The following COL16A1 variants were observed in gnomAD, a reference collection of about 807,000 sequenced individuals.
COL16A1 encodes the protein collagen alpha-1(XVI) chain.
A neutral mutation model predicts 266.3 loss-of-function variants in COL16A1; 189 were observed. The observed-to-expected ratio is 0.71, with a 90% CI of 0.63 to 0.80. The LOEUF (loss-of-function observed/expected upper bound fraction) is 0.80, where lower values mean the gene tolerates loss of function less well. Among genes scored for constraint, COL16A1 ranks in the 30% least tolerant of loss-of-function variants. The pLI, the probability that COL16A1 is intolerant of heterozygous loss-of-function variation, is 0.00. For missense variants in COL16A1, 1,928 were observed against 2,122.4 expected (o/e 0.91, Z 1.80); for synonymous variants, 740 against 782.3 (o/e 0.95, Z 0.90).
In COL16A1 at chr1:31,680,118, C is replaced by A; in HGVS notation, c.2611-17G>T. 6.2e-7 allele frequency: 1 copy of A among 1,611,566 alleles called. No individual in the cohort carries two copies. Among genetic ancestry groups the A allele is most frequent in the South Asian group, 1.1e-5 (1 of 90,584 alleles). On this transcript the variant is annotated splice_polypyrimidine_tract_variant and intron_variant, in intron 39 of 70. Transcript: ENST00000373672. ...TGGCTCACCCTGAAAATACAAGAGC[C>A]TTTGTGAGACATGGATGAAGACGAA...
intron 63 of COL16A1, 112 bp downstream of exon 63, chr1:31,658,802 G>T: frequency 7.7e-7 from 1 of 1,302,510 alleles, no homozygotes; most frequent in Non-Finnish European, 1.1e-6. Context: ...CACCAGGGAA[G>T]GAGGGGATGA....
rs893786480 is a variant in COL16A1, at chr1:31,680,058, A to T, written c.2654T>A (p.Ile885Asn). The T allele has an allele frequency of 6.2e-7, 1 of 1,613,982 alleles. No individual in the cohort carries two copies. Among genetic ancestry groups the T allele is most frequent in the African/African-American group, 1.3e-5 (1 of 75,048 alleles). The part of the protein sequence containing the change: ...ECSCPSQGDL[I>N]FSGMPGAPGL... The stretch of plus-strand genomic sequence containing the variant: ...GCCACTTACCGGCATGCCAGAGAAG[A>T]TGAGGTCTCCTTGAGAGGGGCAGGA... The change falls in exon 40 of 71, where the codon ATC becomes AAC. Residue 885 changes from isoleucine to asparagine, a missense_variant. By Grantham distance (149) the Ile-to-Asn change is moderately radical. Transcript: ENST00000373672.
chr1:31,655,212 T>G (rs1641016020), intron 67 of COL16A1, 102 bp downstream of exon 67: 2 of 1,503,852 alleles, frequency 1.3e-6, no homozygotes. Flanking sequence ...AGCCAGGCTC[T>G]TTCCCACAGA....
chr1:31,662,730 C>G, intron 56 of COL16A1, 72 bp from the exon 57 acceptor site: 9 of 1,445,614 alleles, frequency 6.2e-6, no homozygotes, highest in Non-Finnish European at 8.4e-6. Flanking sequence ...CCCATGGAGA[C>G]CAGGCCCTGG....
At position 31,698,686 on chromosome 1, in the gene COL16A1, G is replaced by A. The variant is rs1209401455; in HGVS notation, c.267-80C>T. ...CCCACCCTGAGCCCTCAGGACTGCT[G>A]AGCCTACCCAAGACATCCACAGGCA... On this transcript the variant is annotated intron_variant, in intron 4 of 70. Coordinates refer to ENST00000373672, the MANE Select transcript of COL16A1 (RefSeq NM_001856.4). The surrounding 1 kb of genome is among the most constrained non-coding windows in gnomAD (Gnocchi z 4.1). 6 of 1,568,594 alleles carry A rather than the reference G, an allele frequency of 3.8e-6. No homozygotes were observed. The highest frequency in any genetic ancestry group is 1.9e-4 in the Middle Eastern group (1 of 5,156).
rs1358406412 is a variant in COL16A1 at position 31,691,573 on chromosome 1, C to T, written c.1302+25G>A. On this transcript the variant is annotated intron_variant, in intron 18 of 70. Transcript: ENST00000373672. The stretch of plus-strand genomic sequence containing the variant: ...CACCCCAGCCCTGCCACCCCATCTC[C>T]ACCCCACAAACATCCACAACTCACC... 9.9e-6 allele frequency: 16 copies of T among 1,613,918 alleles called. No homozygotes were observed. The Middle Eastern group carries it at 2.0e-3, about 199-fold the overall frequency.
rs1403171482 is a variant in COL16A1 at position 31,691,274 on chromosome 1, TAC to T, written c.1399-50_1399-49del. On this transcript the variant is annotated intron_variant, in intron 19 of 70. Transcript: ENST00000373672. Reference sequence around the variant, plus strand: ...GTGGAAGTTTCCAGGGACCACTCGCTACAGCGAGATCTTCTACCCTCACCCTC... The same window carrying T: ...GTGGAAGTTTCCAGGGACCACTCGCTAGCGAGATCTTCTACCCTCACCCTC... 4.4e-6 allele frequency: 7 copies of T among 1,608,254 alleles called. No individual in the cohort carries two copies. The African/African-American group carries it at 9.4e-5, about 21-fold the overall frequency.
rs1644096790 is a variant in COL16A1 at position 31,688,435 on chromosome 1, C to T, written c.1803+32G>A. 6.2e-6 allele frequency: 10 copies of T among 1,613,826 alleles called. No individual in the cohort carries two copies. Among genetic ancestry groups the T allele is most frequent in the Non-Finnish European group, 8.5e-6 (10 of 1,179,862 alleles). ...TCCCCTGCCTGCCTGCCAAGAAACT[C>T]CAGTGTCCCTGACATCTAACCCAGG... is the stretch of plus-strand genomic sequence containing the variant. On this transcript the variant is annotated intron_variant, in intron 26 of 70. Coordinates refer to ENST00000373672, the MANE Select transcript of COL16A1 (RefSeq NM_001856.4). The surrounding 1 kb of genome is among the most constrained non-coding windows in gnomAD (Gnocchi z 4.9).
chr1:31,689,202 T>A (rs1320794111), intron 23 of COL16A1, 117 bp from the exon 24 acceptor site: 7 of 1,516,864 alleles, frequency 4.6e-6, no homozygotes, highest in Non-Finnish European at 4.5e-6. Context: ...CACCTAGGGG[T>A]CCCATGGGGT....
chr1:31,666,205 G>A, intron 52 of COL16A1, 124 bp from the exon 53 acceptor site: 1 of 1,033,072 alleles, frequency 9.7e-7, no homozygotes, highest in Admixed American at 2.8e-5. Context: ...TGGGCTGGCA[G>A]GCCCCCTCTG....
At position 31,652,715 on chromosome 1, in the gene COL16A1, AAGC is replaced by A; in HGVS notation, c.4748_4750del (p.Cys1583del). On this transcript the variant is annotated inframe_deletion, in exon 71 of 71. Transcript: ENST00000373672. The surrounding 1 kb of genome is among the most constrained non-coding windows in gnomAD (Gnocchi z 4.8). ...CTGCTGCTCCATCGGCATGGCCCCAAAGCAGTCAGAGGGATTACAGTGGCCAGC... is the reference window on the plus strand; with the variant it reads ...CTGCTGCTCCATCGGCATGGCCCCAAAGTCAGAGGGATTACAGTGGCCAGC... 6.2e-7 allele frequency: 1 copy of A among 1,607,980 alleles called. No individual in the cohort carries two copies. The highest frequency in any genetic ancestry group is 8.5e-7 in the Non-Finnish European group (1 of 1,178,264).
In COL16A1 at chr1:31,688,603, G is replaced by A; in HGVS notation, c.1768-101C>T. 6.8e-7 allele frequency: 1 copy of A among 1,474,902 alleles called. No homozygotes were observed. The highest frequency in any genetic ancestry group is 9.5e-7 in the Non-Finnish European group (1 of 1,053,840). The allele number at this position is 1,474,902 out of a possible 1,614,324, so 91.4% of individuals were successfully genotyped here. A position where few individuals can be genotyped will look rare whatever the true frequency, so the allele number is the denominator to read the frequency against. On this transcript the variant is annotated intron_variant, in intron 25 of 70. Transcript: ENST00000373672. The surrounding 1 kb of genome is among the most constrained non-coding windows in gnomAD (Gnocchi z 4.9). The stretch of plus-strand genomic sequence containing the variant: ...AACCAGAAACAGAACGGTAAGATAG[G>A]AATTATGTCCTTCAGGTAGCTGGAC...
In COL16A1 at chr1:31,685,611, A is replaced by G. The variant is rs781710357; in HGVS notation, c.2016+28T>C. 4 of 1,565,944 alleles carry G rather than the reference A, an allele frequency of 2.6e-6. No individual in the cohort carries two copies. In the South Asian group the frequency reaches 4.4e-5, roughly 17 times the overall value. ...TTAGCCCCGCCTGCATCCCCCGTCC[A>G]GAGGCCCCTGCCTATATCCCACCTC... On this transcript the variant is annotated intron_variant, in intron 29 of 70. Transcript: ENST00000373672. This position sits in a 1 kb window ranked among gnomAD's most constrained non-coding sequence, Gnocchi z 4.0.
chr1:31,656,342 A>G lies in COL16A1; in HGVS notation c.4101+58T>C. 4 of 1,594,022 alleles carry G rather than the reference A, an allele frequency of 2.5e-6. No individual in the cohort carries two copies. The highest frequency in any genetic ancestry group is 3.4e-6 in the Non-Finnish European group (4 of 1,170,436). ...CTCTGTGGCTAAAGCCGTAACTTGCAGCTGGGCTTCATCCACTCGTGAGCT... is the reference window on the plus strand; with the variant it reads ...CTCTGTGGCTAAAGCCGTAACTTGCGGCTGGGCTTCATCCACTCGTGAGCT... On this transcript the variant is annotated intron_variant, in intron 66 of 70. Coordinates refer to ENST00000373672, the MANE Select transcript of COL16A1 (RefSeq NM_001856.4). This position sits in a 1 kb window ranked among gnomAD's most constrained non-coding sequence, Gnocchi z 4.2.
chr1:31,653,590 A>T lies in COL16A1; in HGVS notation c.4612+9T>A, dbSNP rs1251786798. ...TGGATTCATGGTCTCAAATGGTGGT[A>T]TTTCCTACCTGGGGGGCCGGGAAGA... is the stretch of plus-strand genomic sequence containing the variant. On this transcript the variant is annotated intron_variant, in intron 70 of 70. Transcript: ENST00000373672. 6.2e-7 allele frequency: 1 copy of T among 1,612,818 alleles called. No individual in the cohort carries two copies. The highest frequency in any genetic ancestry group is 1.3e-5 in the African/African-American group (1 of 74,916).
chr1:31,700,857 A>G (rs1469835558), intron 2 of COL16A1, among the ~76,000 whole-genome samples: 2 of 152,220 alleles, frequency 1.3e-5, no homozygotes, highest in African/African-American at 4.8e-5. Context: ...CAGGAAGGGC[A>G]TATTAATGGG....
chr1:31,671,476 C>T lies in COL16A1; in HGVS notation c.3150+139G>A, dbSNP rs562599542. On this transcript the variant is annotated intron_variant, in intron 48 of 70. Transcript: ENST00000373672. ...GAGCACAGTCCCTGCAGATGCTCTG[C>T]GGAGGGATGGGGAGGGCAGTGGAAG... 20 of 1,037,366 alleles carry T rather than the reference C, an allele frequency of 1.9e-5. 1 individual carries two copies. Among genetic ancestry groups the T allele is most frequent in the South Asian group, 1.6e-4 (11 of 67,634 alleles). The allele number at this position is 1,037,366 out of a possible 1,614,324, so 64.3% of individuals were successfully genotyped here.
intron 26 of COL16A1, among the ~76,000 whole-genome samples, chr1:31,687,614 G>T (rs960669504): frequency 6.6e-6 from 1 of 151,350 alleles, no homozygotes. Flanking sequence ...GTCAGGACTC[G>T]CTGGGGGGCT....
At chr1:31,679,967 G>C in intron 40 of COL16A1, 75 bp downstream of exon 40, 3 of 1,592,882 alleles carry the variant, frequency 1.9e-6, no homozygotes, top group Non-Finnish European at 2.6e-6. Flanking sequence ...CGGGGCCTTT[G>C]CACACTGGGC....
Sources: gnomAD v4.1 joint callset for allele counts (sites outside exome capture counted in the v4.1 genomes callset) on GRCh38, gnomAD v4.1.1 for gene constraint, Gnocchi (gnomAD v3.1) non-coding constraint, MANE v1.5 for transcripts, NCBI Gene and HGNC (gene_info 2026-07-23, HGNC 2026-07-21) for gene names.